Variants in CWF19L1 observed in about 807,000 individuals in gnomAD.
The protein encoded by CWF19L1 is CWF19-like protein 1.
Under a neutral mutation model 69.7 loss-of-function variants are expected in CWF19L1, and 60 were observed. That is an observed-to-expected ratio of 0.86 (90% CI 0.70 to 1.07). CWF19L1 has a LOEUF of 1.07. Among genes scored for constraint, CWF19L1 ranks in the 50% least tolerant of loss-of-function variants. CWF19L1 has a pLI of 0.00. For missense variants in CWF19L1, 591 were observed against 638.9 expected (o/e 0.92, Z 0.81); for synonymous variants, 209 against 222.2 (o/e 0.94, Z 0.53).
chr10:100,254,803 T>C (rs1042673534), intron 5 of CWF19L1, among the ~76,000 whole-genome samples: 19 of 152,192 alleles, frequency 1.2e-4, no homozygotes, highest in African/African-American at 4.3e-4. Context: ...TTCATCACTT[T>C]AGCAGCCCTT....
In CWF19L1 at chr10:100,262,009, T is replaced by C; in HGVS notation, c.78A>G (p.Gln26=). Reference sequence around the variant, plus strand: ...AGTTTCCACTTTTCTTCTGAATTGCTTGAACTCTATTGAATAAAATATCAA... The same window carrying C: ...AGTTTCCACTTTTCTTCTGAATTGCCTGAACTCTATTGAATAAAATATCAA... ...GKFDILFNRV[Q]AIQKKSGNFD... is the part of the protein sequence containing the mutation. The change falls in exon 2 of 14, where the codon CAA becomes CAG. Residue 26 remains glutamine (Q), a synonymous_variant. Transcript: ENST00000354105. 1 of 1,608,990 alleles carries C rather than the reference T, an allele frequency of 6.2e-7. No individual in the cohort carries two copies. Among genetic ancestry groups the C allele is most frequent in the Non-Finnish European group, 8.5e-7 (1 of 1,178,810 alleles).
intron 10 of CWF19L1, among the ~76,000 whole-genome samples, chr10:100,239,617 C>T (rs1048921788): frequency 1.3e-5 from 2 of 152,002 alleles, no homozygotes; most frequent in South Asian, 2.1e-4. Context: ...CCAGCCTGGG[C>T]GACAGAACAA....
intron 11 of CWF19L1, 43 bp from the exon 12 acceptor site, chr10:100,237,012 A>T (rs766418747): frequency 5.4e-5 from 83 of 1,543,464 alleles, no homozygotes; most frequent in Non-Finnish European, 7.1e-5. Flanking sequence ...TGCAGGTCCC[A>T]GAGAAGTTGT....
At position 100,246,841 on chromosome 10, in the gene CWF19L1, T is replaced by A; in HGVS notation, c.803A>T (p.Lys268Ile). The A allele has an allele frequency of 6.2e-7, 1 of 1,614,078 alleles. No homozygotes were observed. Among genetic ancestry groups the A allele is most frequent in the Non-Finnish European group, 8.5e-7 (1 of 1,179,956 alleles). Residue 268 changes from lysine to isoleucine, a missense_variant, in exon 8 of 14, where the codon AAA (lysine) becomes ATA (isoleucine). By Grantham distance (102) the Lys-to-Ile change is moderately radical (BLOSUM62 -3). This residue lies in a region of CWF19L1 where 458 missense variants were observed against 489.3 expected (regional missense o/e 0.94). Transcript: ENST00000354105. ...TCCTATGGATGCTTCCTGCCCAGATTTTCTGTAAGGGTTTTCAGTGACATC... is the reference window on the plus strand; with the variant it reads ...TCCTATGGATGCTTCCTGCCCAGATATTCTGTAAGGGTTTTCAGTGACATC... ...PPDVTENPYR[K>I]SGQEASIGKQ...
intron 3 of CWF19L1, 109 bp downstream of exon 3, chr10:100,260,857 T>C (rs1847377027): frequency 2.7e-6 from 2 of 737,484 alleles, no homozygotes; most frequent in East Asian, 5.5e-5. Context: ...AATTCTTAAA[T>C]ACTGAAAATA....
intron 9 of CWF19L1, among the ~76,000 whole-genome samples, chr10:100,245,025 CTTTT>C (rs5787375): frequency 1.4e-5 from 2 of 142,774 alleles, no homozygotes; most frequent in Admixed American, 7.0e-5. Flanking sequence ...AGAATATCAA[CTTTT>C]TTTTTTTTTT....
intron 5 of CWF19L1, among the ~76,000 whole-genome samples, chr10:100,255,540 A>G (rs1445206477): frequency 6.6e-6 from 1 of 152,184 alleles, no homozygotes; most frequent in Non-Finnish European, 1.5e-5. Context: ...AGGCAGGCAG[A>G]TTGTCTGAGC....
chr10:100,265,335 T>C (rs1847538484), intron 1 of CWF19L1, among the ~76,000 whole-genome samples: 2 of 152,032 alleles, frequency 1.3e-5, no homozygotes, highest in South Asian at 4.1e-4. Context: ...AATATTTTAA[T>C]AAATTTAATA....
At position 100,264,718 on chromosome 10, in the gene CWF19L1, A is replaced by G. The variant is rs138660504; in HGVS notation, c.24-2655T>C. 3.1e-4 allele frequency among the ~76,000 whole-genome samples: 47 copies of G among 152,058 alleles called. No homozygotes were observed. In the East Asian group the frequency reaches 8.5e-3, roughly 27 times the overall value. Reference sequence around the variant, plus strand: ...AGATGACAGCTTCATGCATGTTATTACTACTGAAGCCCTTCCAGTGGGACA... The same window carrying G: ...AGATGACAGCTTCATGCATGTTATTGCTACTGAAGCCCTTCCAGTGGGACA... On this transcript the variant is annotated intron_variant, in intron 1 of 13. Coordinates refer to ENST00000354105, the MANE Select transcript of CWF19L1 (RefSeq NM_018294.6).
intron 7 of CWF19L1, chr10:100,248,829 G>A: frequency 1.5e-6 from 2 of 1,328,664 alleles, no homozygotes; most frequent in Non-Finnish European, 2.2e-6. Flanking sequence ...TGGCTCAGCG[G>A]GAAGCAGAGA....
chr10:100,243,819 C>A lies in CWF19L1; in HGVS notation c.965-42G>T, dbSNP rs1206351313. 2.0e-6 allele frequency: 3 copies of A among 1,493,850 alleles called. No homozygotes were observed. The South Asian group carries it at 3.4e-5, about 17-fold the overall frequency. 92.5% of individuals were successfully genotyped at this position (1,493,850 alleles called of 1,614,324 possible). A position where few individuals can be genotyped will look rare whatever the true frequency, so the allele number is the denominator to read the frequency against. On this transcript the variant is annotated intron_variant, in intron 9 of 13. Coordinates refer to ENST00000354105, the MANE Select transcript of CWF19L1 (RefSeq NM_018294.6). ...GCCAGGTGTTACTATGGTCCAAGCA[C>A]TACAGCATATAATCACCCCACAGAA...
chr10:100,237,885 G>T, intron 11 of CWF19L1, 137 bp downstream of exon 11: 1 of 726,068 alleles, frequency 1.4e-6, no homozygotes. Context: ...CTGAGCTCAG[G>T]CAATCCAACC....
intron 6 of CWF19L1, among the ~76,000 whole-genome samples, chr10:100,252,351 C>T (rs1847064743): frequency 6.6e-6 from 1 of 151,896 alleles, no homozygotes; most frequent in South Asian, 2.1e-4. Flanking sequence ...AGGAGAATGG[C>T]ATGAACCTGG....
At chr10:100,244,840 A>G (rs1208284790) in intron 9 of CWF19L1, among the ~76,000 whole-genome samples, 12 of 151,514 alleles carry the variant, frequency 7.9e-5, no homozygotes, top group Admixed American at 7.9e-4. Flanking sequence ...TTTTTAGTAG[A>G]GACAGGGTTT....
At chr10:100,233,568 C>G (rs990463615) in intron 13 of CWF19L1, 197 bp from the exon 14 acceptor site, 1 of 408,340 alleles carries the variant, frequency 2.4e-6, no homozygotes, top group African/African-American at 2.0e-5. Context: ...CCTTCAAACC[C>G]CACTTGCTTC....
intron 1 of CWF19L1, chr10:100,262,384 C>A: frequency 1.0e-6 from 1 of 985,342 alleles, no homozygotes; most frequent in Non-Finnish European, 1.2e-6. Context: ...CACCAAGTCC[C>A]ATCAATCCCT....
chr10:100,250,217 T>A, intron 7 of CWF19L1, 31 bp downstream of exon 7: 1 of 1,393,154 alleles, frequency 7.2e-7, no homozygotes, highest in Non-Finnish European at 1.0e-6. Context: ...ACCATGAATA[T>A]CAACCTTCCA....
chr10:100,261,725 CT>C (rs1461220437), intron 2 of CWF19L1, among the ~76,000 whole-genome samples: 1 of 152,180 alleles, frequency 6.6e-6, no homozygotes, highest in Non-Finnish European at 1.5e-5. Flanking sequence ...GGAAGTGTTG[CT>C]AGTCTGTTTT....
intron 1 of CWF19L1, among the ~76,000 whole-genome samples, chr10:100,266,344 A>AG (rs1847582270): frequency 7.3e-6 from 1 of 136,312 alleles, no homozygotes; most frequent in Non-Finnish European, 1.5e-5. Flanking sequence ...ACGCCCGGCT[A>AG]ATTTTTTTTT....
Sources: gnomAD v4.1 joint callset for allele counts (sites outside exome capture counted in the v4.1 genomes callset) on GRCh38, gnomAD v4.1.1 for gene constraint, gnomAD v4.1.1 regional missense constraint, MANE v1.5 for transcripts, NCBI Gene and HGNC (gene_info 2026-07-23, HGNC 2026-07-21) for gene names.